The following NR5A2 variants were observed in gnomAD, a reference collection of about 807,000 sequenced individuals.
The protein encoded by NR5A2 is nuclear receptor subfamily 5 group A member 2.
Under a neutral mutation model 62.7 loss-of-function variants are expected in NR5A2, and 26 were observed. That is an observed-to-expected ratio of 0.41 (90% CI 0.30 to 0.58). The LOEUF (loss-of-function observed/expected upper bound fraction) is 0.58. Ranked by LOEUF, NR5A2 falls within the 20% of genes least tolerant of loss-of-function variation. The pLI, the probability that NR5A2 is intolerant of heterozygous loss-of-function variation, is 0.22. For synonymous variants in NR5A2, 246 were observed against 241.7 expected, an observed-to-expected ratio of 1.02 and a Z score of -0.16; for missense variants, 541 against 669.1, an observed-to-expected ratio of 0.81 and a Z score of 2.11.
intron 7 of NR5A2, among the ~76,000 whole-genome samples, chr1:200,142,135 A>G (rs529236303): frequency 6.6e-6 from 1 of 150,704 alleles, no homozygotes; most frequent in Non-Finnish European, 1.5e-5. Context: ...CCAGTCTAGC[A>G]CATATACCAT....
chr1:200,141,889 C>G (rs900176814), intron 7 of NR5A2, among the ~76,000 whole-genome samples: 5 of 152,118 alleles, frequency 3.3e-5, no homozygotes, highest in Admixed American at 1.3e-4. Flanking sequence ...TTGCCAGTGT[C>G]TTATATACTT....
intron 7 of NR5A2, among the ~76,000 whole-genome samples, chr1:200,161,639 T>G (rs1156560343): frequency 6.6e-6 from 1 of 152,172 alleles, no homozygotes; most frequent in Non-Finnish European, 1.5e-5. Context: ...TTACTTCAAT[T>G]TTGAATCAAA....
intron 5 of NR5A2, among the ~76,000 whole-genome samples, chr1:200,094,253 C>T (rs560435594): frequency 3.3e-5 from 5 of 150,752 alleles, no homozygotes; most frequent in Non-Finnish European, 7.4e-5. Context: ...GACGCCATCT[C>T]TGTTCACTGC....
chr1:200,038,907 T>C (rs927009939), intron 1 of NR5A2: 5 of 469,452 alleles, frequency 1.1e-5, no homozygotes, highest in South Asian at 2.0e-5. Context: ...GCGGCTAGTG[T>C]CCGACCTGAG....
chr1:200,039,922 A>T lies in NR5A2; in HGVS notation c.202+127A>T. On this transcript the variant is annotated intron_variant, in intron 2 of 7. Coordinates refer to ENST00000367362, the MANE Select transcript of NR5A2 (RefSeq NM_205860.3). The surrounding 1 kb of genome is among the most constrained non-coding windows in gnomAD (Gnocchi z 5.1). ...CCCGCTGGGCGCTCGCAGCCGCGGG[A>T]GTCAAGCCCCCTCCCCAGGTGCAGG... 2 of 1,046,876 alleles carry T rather than the reference A, an allele frequency of 1.9e-6. No homozygotes were observed. Among genetic ancestry groups the T allele is most frequent in the Non-Finnish European group, 2.6e-6 (2 of 762,404 alleles). 64.8% of individuals were successfully genotyped at this position (1,046,876 alleles called of 1,614,324 possible). A position where few individuals can be genotyped will look rare whatever the true frequency, so the allele number is the denominator to read the frequency against.
intron 6 of NR5A2, among the ~76,000 whole-genome samples, chr1:200,118,358 AAGCTAC>A (rs1277423162): frequency 1.3e-5 from 2 of 152,208 alleles, no homozygotes; most frequent in African/African-American, 4.8e-5. Context: ...TGTATATATT[AAGCTAC>A]AGCTACAGCG....
At chr1:200,069,809 T>C (rs1663655040) in intron 5 of NR5A2, among the ~76,000 whole-genome samples, 1 of 152,196 alleles carries the variant, frequency 6.6e-6, no homozygotes, top group Admixed American at 6.6e-5. Context: ...GTAAAAAGAT[T>C]AGAATTCTTA....
At position 200,163,278 on chromosome 1, in the gene NR5A2, A is replaced by G. The variant is rs116139289; in HGVS notation, c.1379-10685A>G. Among the ~76,000 whole-genome samples, 1,413 of 151,090 alleles carry G rather than the reference A, an allele frequency of 9.4e-3. 22 individuals are homozygous for G. The highest frequency in any genetic ancestry group is 0.032 in the African/African-American group (1,335 of 41,302). On this transcript the variant is annotated intron_variant, in intron 7 of 7. Transcript: ENST00000367362. ...GCATGTCAAAGGCAAAAAAAAAAAAAAAGAAGAAGAAAGAAAAGAAAAAAA... is the reference window on the plus strand; with the variant it reads ...GCATGTCAAAGGCAAAAAAAAAAAAGAAGAAGAAGAAAGAAAAGAAAAAAA...
intron 5 of NR5A2, among the ~76,000 whole-genome samples, chr1:200,092,873 CTTTTTTTTTTTTTTT>C (rs869028679): frequency 2.3e-4 from 15 of 64,248 alleles, no homozygotes; most frequent in East Asian, 5.8e-4. Context: ...AAAGACAGGT[CTTTTTTTTTTTTTTT>C]TTTTTTTTTT....
intron 5 of NR5A2, among the ~76,000 whole-genome samples, chr1:200,093,572 C>A (rs1300734298): frequency 2.0e-5 from 3 of 152,168 alleles, no homozygotes; most frequent in African/African-American, 7.2e-5. Flanking sequence ...ATTGAGAAAA[C>A]AGCAGCCTCC....
Position 200,062,229 on chromosome 1 carries a change from G to A in NR5A2, c.1110+13411G>A, listed in dbSNP as rs12090407. Among the ~76,000 whole-genome samples the A allele has an allele frequency of 2.9e-3, 412 of 140,356 alleles. 2 individuals are homozygous for A. Among genetic ancestry groups the A allele is most frequent in the African/African-American group, 0.011 (386 of 34,156 alleles). The allele number at this position is 140,356 out of a possible 152,430, so 92.1% of individuals were successfully genotyped here. ...CAAATAATTCTCCCTGGCAGATTTT[G>A]TGTGTGTGTGTGTGTGTGTGTGTGT... On this transcript the variant is annotated intron_variant, in intron 5 of 7. Transcript: ENST00000367362.
chr1:200,094,672 A>C (rs1011214258), intron 5 of NR5A2, among the ~76,000 whole-genome samples: 1 of 151,380 alleles, frequency 6.6e-6, no homozygotes, highest in African/African-American at 2.4e-5. Context: ...AGCTGGGACT[A>C]CAGGCACCTG....
intron 1 of NR5A2, among the ~76,000 whole-genome samples, chr1:200,028,443 A>G (rs1165383245): frequency 6.6e-6 from 1 of 150,672 alleles, no homozygotes; most frequent in Admixed American, 6.6e-5. Context: ...AAAAAAAAAA[A>G]CCAAAAAAAC....
chr1:200,034,073 G>T (rs925014448), intron 1 of NR5A2, among the ~76,000 whole-genome samples: 4 of 152,142 alleles, frequency 2.6e-5, no homozygotes, highest in Non-Finnish European at 4.4e-5. Flanking sequence ...AGTATCGCCG[G>T]ATACATTTAA....
rs1654407537 is a variant in NR5A2, at chr1:200,176,111, G to T, written c.*1901G>T. On this transcript the variant is annotated 3_prime_UTR_variant, in exon 8 of 8. Transcript: ENST00000367362. ...ATTAAAATCATTCACTTGATTAAATGTCTGTAAATCTTCATCATTCCTACT... is the reference window on the plus strand; with the variant it reads ...ATTAAAATCATTCACTTGATTAAATTTCTGTAAATCTTCATCATTCCTACT... The T allele has an allele frequency of 6.6e-6, 1 of 152,594 alleles. No individual in the cohort carries two copies. Among genetic ancestry groups the T allele is most frequent in the Admixed American group, 6.5e-5 (1 of 15,278 alleles). 9.5% of individuals were successfully genotyped at this position (152,594 alleles called of 1,614,324 possible). A position where few individuals can be genotyped will look rare whatever the true frequency, so the allele number is the denominator to read the frequency against.
rs1417085578 is a variant in NR5A2 at position 200,175,164 on chromosome 1, T to A, written c.*954T>A. The A allele has an allele frequency of 6.6e-6, 1 of 152,648 alleles. No individual in the cohort carries two copies. The allele number at this position is 152,648 out of a possible 1,614,324, so 9.5% of individuals were successfully genotyped here. ...TTGTAGTTCATTTAAAAATACAACA[T>A]TAAACACATTTTGCTAGGATGTCAA... is the stretch of plus-strand genomic sequence containing the variant. On this transcript the variant is annotated 3_prime_UTR_variant, in exon 8 of 8. Transcript: ENST00000367362.
chr1:200,108,490 A>G (rs1455488611), intron 5 of NR5A2, among the ~76,000 whole-genome samples: 2 of 152,148 alleles, frequency 1.3e-5, no homozygotes, highest in Non-Finnish European at 2.9e-5. Flanking sequence ...ATTTTCTTGT[A>G]TAAATAGGTT....
intron 5 of NR5A2, among the ~76,000 whole-genome samples, chr1:200,084,736 T>TC (rs1664448360): frequency 1.3e-5 from 2 of 152,296 alleles, no homozygotes; most frequent in South Asian, 4.1e-4. Context: ...TAGTAACCTC[T>TC]CCCTAATTCA....
In NR5A2 at chr1:200,027,827, C is replaced by A; in HGVS notation, c.-21C>A. 6.4e-7 allele frequency: 1 copy of A among 1,571,808 alleles called. No homozygotes were observed. Among genetic ancestry groups the A allele is most frequent in the Non-Finnish European group, 8.7e-7 (1 of 1,155,706 alleles). ...ATGATTTCTGCTTTAAGCCAAAGAA[C>A]TGCCTATAATTTCACTAAGAATGTC... On this transcript the variant is annotated 5_prime_UTR_variant, in exon 1 of 8. In the 5' UTR this introduces an upstream ATG that the reference lacks. Transcript: ENST00000367362.
Sources: allele counts gnomAD v4.1 joint callset (sites outside exome capture counted in the v4.1 genomes callset), GRCh38; gene constraint gnomAD v4.1.1; non-coding constraint Gnocchi (gnomAD v3.1); transcripts MANE v1.5; gene names NCBI Gene and HGNC (gene_info 2026-07-23, HGNC 2026-07-21).